Variants in PTPDC1 observed in about 807,000 individuals in gnomAD.
PTPDC1 encodes the protein protein tyrosine phosphatase domain containing 1.
A neutral mutation model predicts 75.3 loss-of-function variants in PTPDC1; 53 were observed. The observed-to-expected ratio is 0.70, with a 90% CI of 0.56 to 0.88. PTPDC1 has a LOEUF of 0.88. Ranked by LOEUF, PTPDC1 falls within the 40% of genes least tolerant of loss-of-function variation. PTPDC1 has a pLI of 0.00. For missense variants in PTPDC1, 925 were observed against 998.6 expected, an observed-to-expected ratio of 0.93 and a Z score of 0.99; for synonymous variants, 349 against 366.2, an observed-to-expected ratio of 0.95 and a Z score of 0.54.
chr9:94,104,575 T>TG (rs1165651717), intron 8 of PTPDC1, among the ~76,000 whole-genome samples, 190 bp downstream of exon 8: 1 of 152,234 alleles, frequency 6.6e-6, no homozygotes, highest in African/African-American at 2.4e-5. Context: ...TTCCAAACAA[T>TG]GATCTTAGGA....
chr9:94,085,695 TTAGA>T (rs1321163298), intron 2 of PTPDC1, among the ~76,000 whole-genome samples: 2 of 152,208 alleles, frequency 1.3e-5, no homozygotes, highest in Admixed American at 6.5e-5. Flanking sequence ...AAATGGATAA[TTAGA>T]TAGCTCTTAA....
At chr9:94,089,178 ACTAAC>A (rs1827190185) in intron 4 of PTPDC1, among the ~76,000 whole-genome samples, 1 of 144,614 alleles carries the variant, frequency 6.9e-6, no homozygotes. Context: ...CACTGCACCC[ACTAAC>A]TCGTCATCTA....
intron 4 of PTPDC1, among the ~76,000 whole-genome samples, chr9:94,094,686 C>T (rs1281624944): frequency 2.0e-5 from 3 of 152,228 alleles, no homozygotes; most frequent in African/African-American, 4.8e-5. Context: ...CTTGCTGCCG[C>T]CTTGCAGTTT....
intron 4 of PTPDC1, 115 bp downstream of exon 4, chr9:94,088,378 T>A: frequency 1.6e-6 from 2 of 1,250,774 alleles, no homozygotes; most frequent in Non-Finnish European, 2.2e-6. Flanking sequence ...TGCATCATAG[T>A]AAGGTTTAGA....
At position 94,040,632 on chromosome 9, in the gene PTPDC1, C is replaced by G. The variant is rs138284866; in HGVS notation, c.-7+9505C>G. On this transcript the variant is annotated intron_variant, in intron 1 of 9. Coordinates refer to the PTPDC1 transcript ENST00000375360. ...TAACATATAAAGGAAAAAAGTCAGC[C>G]ATACTCCCATCATTAGTATTTTGGT... 2.7e-3 allele frequency among the ~76,000 whole-genome samples: 409 copies of G among 152,056 alleles called. 2 individuals are homozygous for G. Among genetic ancestry groups the G allele is most frequent in the African/African-American group, 9.5e-3 (393 of 41,478 alleles).
At chr9:94,046,338 G>A (rs937615504) in intron 1 of PTPDC1, among the ~76,000 whole-genome samples, 7 of 152,200 alleles carry the variant, frequency 4.6e-5, no homozygotes, top group Admixed American at 2.6e-4. Context: ...GCTCTTTTTC[G>A]GTTCCATATG....
Position 94,097,558 on chromosome 9 carries a change from A to G in PTPDC1, c.992A>G (p.Tyr331Cys). The change falls in exon 6 of 9, where the codon TAT (tyrosine) becomes TGT (cysteine). Residue 331 changes from tyrosine (Y) to cysteine (C), a missense_variant. By Grantham distance (194) the Tyr-to-Cys change is radical. Transcript: ENST00000620992. ...LIRQRHLLHG[Y>C]EARLLKHVPK... ...CGCCAGCGTCATCTGCTTCATGGTT[A>G]TGAGGCACGACTTCTGAAACACGTG... 1 of 1,614,078 alleles carries G rather than the reference A, an allele frequency of 6.2e-7. No individual in the cohort carries two copies. The highest frequency in any genetic ancestry group is 1.1e-5 in the South Asian group (1 of 91,086).
At chr9:94,053,540 C>T (rs146138242) in intron 1 of PTPDC1, among the ~76,000 whole-genome samples, 18 of 152,062 alleles carry the variant, frequency 1.2e-4, no homozygotes, top group South Asian at 4.2e-4. Context: ...TTATGGCATC[C>T]GAGCCACATA....
chr9:94,100,569 C>T (rs914236611), intron 6 of PTPDC1: 1 of 152,188 alleles, frequency 6.6e-6, no homozygotes, highest in African/African-American at 2.4e-5. Flanking sequence ...CCCCCTTTGC[C>T]ATTTTCTAGC....
At position 94,038,012 on chromosome 9, in the gene PTPDC1, G is replaced by A. The variant is rs1298271600; in HGVS notation, c.-7+6885G>A. On this transcript the variant is annotated intron_variant, in intron 1 of 9. Coordinates refer to the PTPDC1 transcript ENST00000375360. The stretch of plus-strand genomic sequence containing the variant: ...GGGTAGGAACCTTCGTTGCGCCAGC[G>A]ACAAAAAAGAATTAAATATGGGTGA... The A allele has an allele frequency of 2.7e-5, 10 of 364,296 alleles. No homozygotes were observed. In the East Asian group the frequency reaches 3.8e-4, roughly 14 times the overall value. The allele number at this position is 364,296 out of a possible 1,614,324, so 22.6% of individuals were successfully genotyped here.
At chr9:94,072,305 C>T (rs978756248) in intron 2 of PTPDC1, among the ~76,000 whole-genome samples, 1 of 152,130 alleles carries the variant, frequency 6.6e-6, no homozygotes, top group African/African-American at 2.4e-5. Context: ...CACACCTGGC[C>T]TAGGTATTGT....
intron 6 of PTPDC1, 93 bp downstream of exon 6, chr9:94,098,672 G>C (rs761255564): frequency 9.4e-7 from 1 of 1,067,686 alleles, no homozygotes. Flanking sequence ...ATTTATTATA[G>C]AAATGTGAAG....
Position 94,098,119 on chromosome 9 carries a change from T to A in PTPDC1, c.1553T>A (p.Leu518Gln), listed in dbSNP as rs1415006545. 10 of 1,614,086 alleles carry A rather than the reference T, an allele frequency of 6.2e-6. No individual in the cohort carries two copies. The highest frequency in any genetic ancestry group is 7.6e-6 in the Non-Finnish European group (9 of 1,180,042). ...SFWSQSKFGG[L>Q]EGLKDNGSPI... ...TGGAGTCAGTCAAAGTTTGGAGGCC[T>A]GGAAGGACTCAAAGATAATGGGTCA... Residue 518 changes from leucine to glutamine, a missense_variant, in exon 6 of 9, where the codon CTG becomes CAG. Transcript: ENST00000620992.
rs200142547 is a variant in PTPDC1 at position 94,101,737 on chromosome 9, T to C, written c.2185T>C (p.Phe729Leu). The change falls in exon 7 of 9, where the codon TTT (phenylalanine) becomes CTT (leucine). Residue 729 changes from phenylalanine (F) to leucine (L), a missense_variant. Transcript: ENST00000620992. ...DRRADAAEAL[F>L]LLEKGQHQTI... ...GCGAGCAGATGCCGCAGAAGCACTT[T>C]TTTTATTAGAGAAGGTAAAGTGGCT... is the stretch of plus-strand genomic sequence containing the variant. 8.1e-5 allele frequency: 131 copies of C among 1,610,246 alleles called. No homozygotes were observed. The Middle Eastern group carries it at 1.5e-3, about 18-fold the overall frequency.
intron 2 of PTPDC1, among the ~76,000 whole-genome samples, chr9:94,073,471 A>T (rs1282737450): frequency 2.0e-5 from 3 of 151,374 alleles, no homozygotes; most frequent in Non-Finnish European, 4.4e-5. Flanking sequence ...GATATGGGTG[A>T]TTTGTGTCTT....
chr9:94,046,103 T>A (rs1001689255), intron 1 of PTPDC1, among the ~76,000 whole-genome samples: 2 of 152,206 alleles, frequency 1.3e-5, no homozygotes, highest in Non-Finnish European at 2.9e-5. Context: ...AAATAGGGAA[T>A]CCTTTCCCCA....
At chr9:94,056,460 G>C (rs560716446) in intron 1 of PTPDC1, among the ~76,000 whole-genome samples, 2 of 152,166 alleles carry the variant, frequency 1.3e-5, no homozygotes, top group African/African-American at 2.4e-5. Context: ...AGTGTGAATT[G>C]ATAATACAGA....
chr9:94,047,543 C>A (rs1278855769), intron 1 of PTPDC1, among the ~76,000 whole-genome samples: 9 of 152,110 alleles, frequency 5.9e-5, no homozygotes, highest in Non-Finnish European at 1.2e-4. Flanking sequence ...CAAAAGCTAG[C>A]AGAAGGCAAG....
At chr9:94,037,398 A>G (rs1463071445) in intron 1 of PTPDC1, among the ~76,000 whole-genome samples, 1 of 152,304 alleles carries the variant, frequency 6.6e-6, no homozygotes, top group East Asian at 1.9e-4. Flanking sequence ...AGAGAATAAA[A>G]ACCACCCATA....
Sources: allele counts gnomAD v4.1 joint callset (sites outside exome capture counted in the v4.1 genomes callset), GRCh38; gene constraint gnomAD v4.1.1; transcripts MANE v1.5; gene names NCBI Gene and HGNC (gene_info 2026-07-23, HGNC 2026-07-21).